Variants in COG7 observed in about 807,000 individuals in gnomAD.
The protein encoded by COG7 is conserved oligomeric Golgi complex subunit 7.
COG7 carries 49 observed loss-of-function variants against 91.5 expected under a neutral mutation model. The ratio of observed to expected loss-of-function variants is 0.54; its 90% confidence interval spans 0.43 to 0.68. The LOEUF (loss-of-function observed/expected upper bound fraction) is 0.68. Ranked by LOEUF, COG7 falls within the 30% of genes least tolerant of loss-of-function variation. The pLI is 0.00. For synonymous variants in COG7, 365 were observed against 388.7 expected, an observed-to-expected ratio of 0.94 and a Z score of 0.72; for missense variants, 895 against 961.3, an observed-to-expected ratio of 0.93 and a Z score of 0.91.
intron 14 of COG7, among the ~76,000 whole-genome samples, chr16:23,395,667 C>T (rs1003558507): frequency 5.3e-5 from 8 of 152,190 alleles, no homozygotes; most frequent in East Asian, 1.9e-4. Context: ...TCTCACAGTG[C>T]AGGTTTCTCT....
At chr16:23,391,681 G>A (rs1274209569) in intron 16 of COG7, among the ~76,000 whole-genome samples, 1 of 152,208 alleles carries the variant, frequency 6.6e-6, no homozygotes, top group Non-Finnish European at 1.5e-5. Context: ...ACCCCGAGAG[G>A]TGCGTTAGGC....
intron 12 of COG7, among the ~76,000 whole-genome samples, chr16:23,404,451 A>G (rs1963426956): frequency 6.6e-6 from 1 of 152,260 alleles, no homozygotes; most frequent in African/African-American, 2.4e-5. Flanking sequence ...TCACAGAAGC[A>G]TGGATGAATG....
At chr16:23,448,698 CTCTT>C (rs1464214834) in intron 1 of COG7, among the ~76,000 whole-genome samples, 5 of 152,160 alleles carry the variant, frequency 3.3e-5, no homozygotes, top group Admixed American at 6.6e-5. Context: ...CTCTCTCTCT[CTCTT>C]TAATACCAAG....
chr16:23,400,010 G>C (rs1281279896), intron 13 of COG7, among the ~76,000 whole-genome samples: 1 of 152,014 alleles, frequency 6.6e-6, no homozygotes, highest in African/African-American at 2.4e-5. Flanking sequence ...ATTATTTTTA[G>C]AGTCCTTCTA....
intron 14 of COG7, among the ~76,000 whole-genome samples, chr16:23,395,303 G>C (rs929822017): frequency 2.0e-5 from 3 of 152,130 alleles, no homozygotes; most frequent in Non-Finnish European, 4.4e-5. Flanking sequence ...GAAGGATGCT[G>C]ATTTCTGGTG....
chr16:23,398,214 T>C (rs1963316431), intron 13 of COG7, 85 bp from the exon 14 acceptor site: 2 of 1,069,860 alleles, frequency 1.9e-6, no homozygotes, highest in South Asian at 2.6e-5. Context: ...AAGAAGAACA[T>C]GGCCTTCCCT....
At chr16:23,406,515 TA>T (rs1348267500) in intron 11 of COG7, among the ~76,000 whole-genome samples, 3 of 148,400 alleles carry the variant, frequency 2.0e-5, no homozygotes, top group Non-Finnish European at 1.5e-5. Context: ...GCTATCTCCC[TA>T]ATATGACCGA....
At chr16:23,407,942 T>C (rs868576901) in intron 11 of COG7, among the ~76,000 whole-genome samples, 1 of 150,938 alleles carries the variant, frequency 6.6e-6, no homozygotes, top group Admixed American at 6.6e-5. Flanking sequence ...GGCACAGCAA[T>C]GAGCATACTG....
At chr16:23,449,308 C>T (rs1480523376) in intron 1 of COG7, among the ~76,000 whole-genome samples, 2 of 149,744 alleles carry the variant, frequency 1.3e-5, no homozygotes, top group Non-Finnish European at 3.0e-5. Context: ...GCTTGCAGTG[C>T]GTCGAGATCA....
intron 14 of COG7, among the ~76,000 whole-genome samples, chr16:23,397,225 T>C (rs1214874202): frequency 1.3e-5 from 2 of 152,208 alleles, no homozygotes; most frequent in Non-Finnish European, 2.9e-5. Flanking sequence ...TTATAATACT[T>C]CTAAAATTCC....
chr16:23,405,720 T>C (rs1963450306), intron 12 of COG7, among the ~76,000 whole-genome samples: 1 of 152,032 alleles, frequency 6.6e-6, no homozygotes. Context: ...TTTCACCATG[T>C]TGGCCAGACT....
chr16:23,408,694 G>A (rs1241074919), intron 11 of COG7, among the ~76,000 whole-genome samples: 5 of 152,006 alleles, frequency 3.3e-5, no homozygotes, highest in South Asian at 4.2e-4. Flanking sequence ...CGTGACTTTC[G>A]GGAGTGAATA....
chr16:23,434,744 C>T, intron 4 of COG7, 26 bp from the exon 5 acceptor site: 3 of 1,505,244 alleles, frequency 2.0e-6, no homozygotes, highest in African/African-American at 1.4e-5. Flanking sequence ...TGTATATATA[C>T]TGTTACCAGC....
intron 4 of COG7, among the ~76,000 whole-genome samples, chr16:23,439,042 C>T (rs1179142652): frequency 2.0e-5 from 3 of 151,368 alleles, no homozygotes; most frequent in Non-Finnish European, 4.4e-5. Flanking sequence ...CCTTTAATCC[C>T]AGCTACTCGG....
intron 8 of COG7, 42 bp from the exon 9 acceptor site, chr16:23,417,163 C>A (rs766030438): frequency 8.7e-6 from 14 of 1,606,574 alleles, no homozygotes; most frequent in Non-Finnish European, 1.2e-5. Context: ...GGCTTTAGAA[C>A]AGACAATGCT....
rs760710230 is a variant in COG7 at position 23,445,119 on chromosome 16, C to T, written c.364G>A (p.Ala122Thr). The change falls in exon 3 of 17, where the codon GCC becomes ACC. Residue 122 changes from alanine (A) to threonine (T), a missense_variant. Coordinates refer to ENST00000307149, the MANE Select transcript of COG7 (RefSeq NM_153603.4). ...TTATCTGCTTCCTGAAGAGATTCGGCAGCAAGTTGCATTCTGGACTTCACT... is the reference window on the plus strand; with the variant it reads ...TTATCTGCTTCCTGAAGAGATTCGGTAGCAAGTTGCATTCTGGACTTCACT... ...DQVKSRMQLA[A>T]ESLQEADKWS... The T allele has an allele frequency of 6.2e-7, 1 of 1,614,136 alleles. No individual in the cohort carries two copies. Among genetic ancestry groups the T allele is most frequent in the South Asian group, 1.1e-5 (1 of 91,084 alleles).
At chr16:23,421,647 GA>G in intron 7 of COG7, among the ~76,000 whole-genome samples, 1 of 151,806 alleles carries the variant, frequency 6.6e-6, no homozygotes, top group African/African-American at 2.4e-5. Context: ...AATGACAGGA[GA>G]AAAAAAGAAT....
intron 13 of COG7, among the ~76,000 whole-genome samples, chr16:23,401,531 C>T (rs1011226351): frequency 6.6e-6 from 1 of 152,008 alleles, no homozygotes; most frequent in African/African-American, 2.4e-5. Flanking sequence ...TCAGCTTTGA[C>T]AAAATAAAAA....
At position 23,393,264 on chromosome 16, in the gene COG7, G is replaced by A. The variant is rs114458562; in HGVS notation, c.1971C>T (p.His657=). 566 of 1,613,968 alleles carry A rather than the reference G, an allele frequency of 3.5e-4. 1 individual carries two copies. In the African/African-American group the frequency reaches 6.0e-3, roughly 17 times the overall value. The change falls in exon 15 of 17, where the codon CAC becomes CAT. Residue 657 remains histidine, a synonymous_variant. Transcript: ENST00000307149. ...QEDSALELAL[H]AGKLPFPPEQ... The stretch of plus-strand genomic sequence containing the variant: ...CAGGAGGAAATGGCAGCTTTCCAGC[G>A]TGCAATGCCAACTCTAAGGCAGAGT...
Sources: gnomAD v4.1 joint callset for allele counts (sites outside exome capture counted in the v4.1 genomes callset) on GRCh38, gnomAD v4.1.1 for gene constraint, MANE v1.5 for transcripts, NCBI Gene and HGNC (gene_info 2026-07-23, HGNC 2026-07-21) for gene names.